Variants in EPB41L1 observed in about 807,000 individuals in gnomAD.
EPB41L1 encodes erythrocyte membrane protein band 4.1 like 1.
A neutral mutation model predicts 97.8 loss-of-function variants in EPB41L1; 29 were observed. The ratio of observed to expected loss-of-function variants is 0.30; its 90% CI spans 0.22 to 0.40. The LOEUF (loss-of-function observed/expected upper bound fraction) is 0.40. Among genes scored for constraint, EPB41L1 ranks in the 10% least tolerant of loss-of-function variants. The pLI, the probability that EPB41L1 is intolerant of heterozygous loss-of-function variation, is 1.00. For synonymous variants in EPB41L1, 383 were observed against 459.2 expected (o/e 0.83, Z 2.12); for missense variants, 812 against 1,162.3 (o/e 0.70, Z 4.38).
At chr20:36,177,395 T>G (rs941257178) in intron 3 of EPB41L1, among the ~76,000 whole-genome samples, 1 of 152,188 alleles carries the variant, frequency 6.6e-6, no homozygotes. Context: ...CAGAAGCTGA[T>G]GGAGGCCCCA....
In EPB41L1 at chr20:36,207,476, G is replaced by A. The variant is rs1302788847; in HGVS notation, c.1669-2012G>A. On this transcript the variant is annotated intron_variant, in intron 14 of 21. Coordinates refer to ENST00000338074, the MANE Select transcript of EPB41L1 (RefSeq NM_012156.2). This position sits in a 1 kb window ranked among gnomAD's most constrained non-coding sequence, Gnocchi z 4.9. ...AAAATTCGGATATTTGAGACCCACG[G>A]AGCTGAAACTCGCCGAATGAGTGAG... 7.8e-7 allele frequency: 1 copy of A among 1,289,708 alleles called. No individual in the cohort carries two copies. Among genetic ancestry groups the A allele is most frequent in the Non-Finnish European group, 1.0e-6 (1 of 988,878 alleles). The allele number at this position is 1,289,708 out of a possible 1,614,324, so 79.9% of individuals were successfully genotyped here.
chr20:36,165,870 A>G (rs907735143), intron 1 of EPB41L1, among the ~76,000 whole-genome samples: 3 of 152,242 alleles, frequency 2.0e-5, no homozygotes, highest in African/African-American at 7.2e-5. Context: ...AAATCAGTAC[A>G]GCATGAGCCC....
upstream of EPB41L1, among the ~76,000 whole-genome samples, chr20:36,153,818 T>A (rs1211081615): frequency 6.6e-6 from 1 of 151,818 alleles, no homozygotes. Context: ...TCGGATTGTG[T>A]GAGATGGAGG....
chr20:36,148,142 T>C (rs1165761187), intron 2 of EPB41L1, among the ~76,000 whole-genome samples: 4 of 152,136 alleles, frequency 2.6e-5, no homozygotes, highest in Non-Finnish European at 5.9e-5. Flanking sequence ...ATGCACATAT[T>C]GTGAACTGGG....
chr20:36,098,255 G>A (rs1201303994), intron 1 of EPB41L1, among the ~76,000 whole-genome samples: 1 of 152,116 alleles, frequency 6.6e-6, no homozygotes, highest in African/African-American at 2.4e-5. Flanking sequence ...CTAATGAGTG[G>A]GAATCTGAAA....
intron 2 of EPB41L1, among the ~76,000 whole-genome samples, chr20:36,121,988 C>T (rs2058766347): frequency 6.6e-6 from 1 of 152,196 alleles, no homozygotes; most frequent in African/African-American, 2.4e-5. Flanking sequence ...CAAGACTTTG[C>T]CAGGTGTCAC....
At chr20:36,114,566 A>G (rs548581877) in intron 2 of EPB41L1, among the ~76,000 whole-genome samples, 25 of 152,118 alleles carry the variant, frequency 1.6e-4, no homozygotes, top group Non-Finnish European at 2.8e-4. Context: ...TTTTCCAGAA[A>G]CCAGTGACAA....
At position 36,207,213 on chromosome 20, in the gene EPB41L1, G is replaced by A. The variant is rs777439107; in HGVS notation, c.1669-2275G>A. The stretch of plus-strand genomic sequence containing the variant: ...CCTTTCTTAGACATGTCCATCTTTC[G>A]AAAGCCAGCCCAGAGCCCAAGGACC... On this transcript the variant is annotated intron_variant, in intron 14 of 21. Transcript: ENST00000338074. The surrounding 1 kb of genome is among the most constrained non-coding windows in gnomAD (Gnocchi z 4.9). 170 of 1,284,032 alleles carry A rather than the reference G, an allele frequency of 1.3e-4. No individual in the cohort carries two copies. The highest frequency in any genetic ancestry group is 1.6e-4 in the Non-Finnish European group (153 of 984,986). The allele number at this position is 1,284,032 out of a possible 1,614,324, so 79.5% of individuals were successfully genotyped here.
At chr20:36,192,333 C>A (rs2061994300) in intron 11 of EPB41L1, among the ~76,000 whole-genome samples, 1 of 152,030 alleles carries the variant, frequency 6.6e-6, no homozygotes, top group Admixed American at 6.5e-5. Flanking sequence ...GAGATCAAGA[C>A]CATCCTGGCC....
intron 1 of EPB41L1, among the ~76,000 whole-genome samples, chr20:36,106,344 T>C (rs1046297581): frequency 6.6e-6 from 1 of 152,208 alleles, no homozygotes; most frequent in African/African-American, 2.4e-5. Context: ...GGCAAAGGCT[T>C]ATTACTTCTA....
Position 36,185,240 on chromosome 20 carries a change from G to A in EPB41L1, c.690G>A (p.Glu230=). The A allele has an allele frequency of 6.2e-7, 1 of 1,613,978 alleles. No homozygotes were observed. The highest frequency in any genetic ancestry group is 8.5e-7 in the Non-Finnish European group (1 of 1,180,044). Residue 230 remains glutamate (E), a synonymous_variant, in exon 7 of 22, where the codon GAG becomes GAA. Coordinates refer to ENST00000338074, the MANE Select transcript of EPB41L1 (RefSeq NM_012156.2). The stretch of plus-strand genomic sequence containing the variant: ...CTGAGCTGGGTGACTATGATGCTGA[G>A]GAGCATGTGGGCAACTATGTCAGCG... ...VQAELGDYDA[E]EHVGNYVSEL...
Position 36,178,669 on chromosome 20 carries a change from C to A in EPB41L1, c.487C>A (p.Arg163=). ...CTCCAAGGAGATCAAGAAGCAGATC[C>A]GGAGTGAGTGGCTTGTTGTGTTTGG... is the stretch of plus-strand genomic sequence containing the variant. ...DPSKEIKKQI[R]SSPWNFAFTV... Residue 163 remains arginine (R), a synonymous_variant, in exon 5 of 22, where the codon CGG becomes AGG. Transcript: ENST00000338074. 1 of 1,613,966 alleles carries A rather than the reference C, an allele frequency of 6.2e-7. No individual in the cohort carries two copies. The highest frequency in any genetic ancestry group is 1.1e-5 in the South Asian group (1 of 91,072).
upstream of EPB41L1, chr20:36,152,357 C>G (rs922761187): frequency 2.0e-4 from 30 of 152,796 alleles, no homozygotes; most frequent in Admixed American, 1.8e-3. Flanking sequence ...TGGAGTGTAG[C>G]CTGGATTCTC....
At chr20:36,205,158 T>A (rs1254632204) in intron 14 of EPB41L1, among the ~76,000 whole-genome samples, 1 of 152,236 alleles carries the variant, frequency 6.6e-6, no homozygotes, top group Non-Finnish European at 1.5e-5. Flanking sequence ...CCATGACTAC[T>A]ATGCTTTCTT....
At chr20:36,139,846 C>T (rs894917444) in intron 2 of EPB41L1, among the ~76,000 whole-genome samples, 1 of 152,178 alleles carries the variant, frequency 6.6e-6, no homozygotes. Flanking sequence ...ATTCTCTTGC[C>T]TCAACCTCCT....
intron 21 of EPB41L1, 120 bp downstream of exon 21, chr20:36,222,514 C>G: frequency 2.7e-6 from 2 of 754,286 alleles, no homozygotes; most frequent in Non-Finnish European, 4.5e-6. Context: ...TTGACCCTCC[C>G]CCCATCAGCC....
rs2062150290 is a variant in EPB41L1, at chr20:36,195,410, T to C, written c.1485+46T>C. ...CTCCCTACCCAGCCGTTCCCATCCC[T>C]AGCTCATTTGTCACCATCCCACAGT... On this transcript the variant is annotated intron_variant, in intron 13 of 21. Coordinates refer to ENST00000338074, the MANE Select transcript of EPB41L1 (RefSeq NM_012156.2). This position sits in a 1 kb window ranked among gnomAD's most constrained non-coding sequence, Gnocchi z 4.6. 1 of 1,609,336 alleles carries C rather than the reference T, an allele frequency of 6.2e-7. No individual in the cohort carries two copies. The highest frequency in any genetic ancestry group is 1.7e-5 in the Admixed American group (1 of 59,970).
chr20:36,187,985 A>G (rs955599480), intron 8 of EPB41L1, among the ~76,000 whole-genome samples: 6 of 152,310 alleles, frequency 3.9e-5, no homozygotes, highest in Non-Finnish European at 7.4e-5. Context: ...AGCCACTGCT[A>G]GATTGGGAGC....
intron 14 of EPB41L1, chr20:36,200,773 C>G (rs2062452060): frequency 2.4e-6 from 1 of 410,626 alleles, no homozygotes; most frequent in South Asian, 1.8e-5. Context: ...GTGTGTGTGT[C>G]TCTCTCTCCT....
Sources: gnomAD v4.1 joint callset for allele counts (sites outside exome capture counted in the v4.1 genomes callset) on GRCh38, gnomAD v4.1.1 for gene constraint, Gnocchi (gnomAD v3.1) non-coding constraint, MANE v1.5 for transcripts, NCBI Gene and HGNC (gene_info 2026-07-23, HGNC 2026-07-21) for gene names.